Variants in PPP2R2B observed in about 807,000 individuals in gnomAD.
The protein encoded by PPP2R2B is serine/threonine-protein phosphatase 2A 55 kDa regulatory subunit B beta isoform.
A neutral mutation model predicts 46.0 loss-of-function variants in PPP2R2B; 5 were observed. That is an observed-to-expected ratio of 0.11 (90% CI 0.06 to 0.23). The LOEUF (loss-of-function observed/expected upper bound fraction) is 0.23. Ranked by LOEUF, PPP2R2B falls within the 10% of genes least tolerant of loss-of-function variation. The probability of loss-of-function intolerance (pLI) is 1.00; values close to 1 mark genes in which losing one functional copy is unlikely to be tolerated. For synonymous variants in PPP2R2B, 215 were observed against 206.7 expected, an observed-to-expected ratio of 1.04 and a Z score of -0.34; for missense variants, 367 against 575.0, an observed-to-expected ratio of 0.64 and a Z score of 3.70.
In PPP2R2B at chr5:146,878,626, C is replaced by G; in HGVS notation, c.-160G>C. 1.6e-6 allele frequency: 2 copies of G among 1,243,974 alleles called. No individual in the cohort carries two copies. The highest frequency in any genetic ancestry group is 3.0e-5 in the South Asian group (2 of 66,388). The allele number at this position is 1,243,974 out of a possible 1,614,324, so 77.1% of individuals were successfully genotyped here. On this transcript the variant is annotated 5_prime_UTR_variant, in exon 1 of 10. Transcript: ENST00000394411. The surrounding 1 kb of genome is among the most constrained non-coding windows in gnomAD (Gnocchi z 4.5). ...TGAGGGTGCTGGTCCCACGGGAGGG[C>G]GGCTCCGGCAGGCGGGGGTAGGGAA...
intron 1 of PPP2R2B, among the ~76,000 whole-genome samples, chr5:146,901,441 G>A (rs1358736075): frequency 6.6e-6 from 1 of 152,080 alleles, no homozygotes. Flanking sequence ...CAAGGCTTCA[G>A]TGAGCTGTGT....
chr5:146,652,645 C>T (rs1041079451), intron 5 of PPP2R2B, among the ~76,000 whole-genome samples: 6 of 151,928 alleles, frequency 3.9e-5, no homozygotes, highest in African/African-American at 7.3e-5. Flanking sequence ...GCAAAGGTCC[C>T]GTGATAGAGG....
chr5:146,776,872 A>AATGG (rs980488123), intron 2 of PPP2R2B, among the ~76,000 whole-genome samples: 2 of 152,124 alleles, frequency 1.3e-5, no homozygotes, highest in Non-Finnish European at 2.9e-5. Flanking sequence ...AAGATATACA[A>AATGG]ATGGCCAATA....
chr5:146,621,100 G>A (rs1216566182), intron 7 of PPP2R2B, among the ~76,000 whole-genome samples: 1 of 152,258 alleles, frequency 6.6e-6, no homozygotes, highest in African/African-American at 2.4e-5. Context: ...CATGGGCCAA[G>A]CACTGCCTGG....
intron 4 of PPP2R2B, among the ~76,000 whole-genome samples, chr5:146,693,283 T>C (rs4588641): frequency 0.22 from 33,894 of 151,758 alleles, 4,599 homozygotes; most frequent in African/African-American, 0.39. Flanking sequence ...GGCGAGATCA[T>C]GGTTCACTGC....
chr5:146,954,250 T>C (rs1265280105), intron 1 of PPP2R2B, among the ~76,000 whole-genome samples: 1 of 152,064 alleles, frequency 6.6e-6, no homozygotes, highest in Non-Finnish European at 1.5e-5. Flanking sequence ...TATATGAGGA[T>C]ACTTTAATAC....
In PPP2R2B at chr5:146,856,988, G is replaced by T. The variant is rs186982293; in HGVS notation, c.70+21014C>A. On this transcript the variant is annotated intron_variant, in intron 2 of 9. Transcript: ENST00000394411. ...AATACTTCAGGTGATTCTAATGCAC[G>T]TTAAAGTTTGAAAACAGCTGCTGTA... is the stretch of plus-strand genomic sequence containing the variant. Among the ~76,000 whole-genome samples the T allele has an allele frequency of 1.7e-3, 264 of 152,252 alleles. 1 individual carries two copies. Among genetic ancestry groups the T allele is most frequent in the African/African-American group, 5.7e-3 (236 of 41,556 alleles).
intron 1 of PPP2R2B, among the ~76,000 whole-genome samples, chr5:146,954,427 G>A (rs1485668112): frequency 6.6e-6 from 1 of 152,110 alleles, no homozygotes; most frequent in Admixed American, 6.6e-5. Context: ...ACCAAACATT[G>A]AATGTTCTCA....
chr5:146,817,153 C>A (rs912912805), intron 2 of PPP2R2B, among the ~76,000 whole-genome samples: 5 of 152,156 alleles, frequency 3.3e-5, no homozygotes, highest in Admixed American at 6.5e-5. Flanking sequence ...TTTGGCCCAT[C>A]ATCTAGAGTG....
rs369074395 is a variant in PPP2R2B at position 146,715,911 on chromosome 5, A to C, written c.71-14769T>G. On this transcript the variant is annotated intron_variant, in intron 2 of 9. Transcript: ENST00000394411. Reference sequence around the variant, plus strand: ...AGTGTATCTTCTGGGCTCAGTCTTCACTTTTCCATCATTGTCACACACTCC... The same window carrying C: ...AGTGTATCTTCTGGGCTCAGTCTTCCCTTTTCCATCATTGTCACACACTCC... 2.0e-5 allele frequency among the ~76,000 whole-genome samples: 3 copies of C among 152,200 alleles called. No individual in the cohort carries two copies. In the East Asian group the frequency reaches 5.8e-4, roughly 29 times the overall value.
intron 2 of PPP2R2B, among the ~76,000 whole-genome samples, chr5:146,705,446 G>T (rs1432099919): frequency 2.6e-5 from 4 of 152,182 alleles, no homozygotes; most frequent in African/African-American, 9.7e-5. Flanking sequence ...AATGAATCTG[G>T]GTGGGTGGTG....
chr5:146,886,022 C>T (rs116240566), intron 1 of PPP2R2B, among the ~76,000 whole-genome samples: 3,743 of 151,904 alleles, frequency 0.025, 162 homozygotes, highest in African/African-American at 0.085. Flanking sequence ...ATTTCTTTTG[C>T]GGGTGTTGAA....
upstream of PPP2R2B, among the ~76,000 whole-genome samples, chr5:147,060,550 C>T (rs1757226242): frequency 6.6e-6 from 1 of 152,108 alleles, no homozygotes; most frequent in African/African-American, 2.4e-5. Flanking sequence ...ATCACTTGAG[C>T]CTGGGAGGTT....
chr5:146,713,765 C>T (rs1208059032), intron 2 of PPP2R2B, among the ~76,000 whole-genome samples: 1 of 152,086 alleles, frequency 6.6e-6, no homozygotes, highest in Admixed American at 6.6e-5. Context: ...AGTTTTTGGT[C>T]TCAGCAACTG....
intron 7 of PPP2R2B, among the ~76,000 whole-genome samples, chr5:146,609,122 C>T (rs1038777467): frequency 4.6e-5 from 7 of 152,134 alleles, no homozygotes; most frequent in South Asian, 2.1e-4. Context: ...GTTCACCATA[C>T]GAAAATCAAT....
intron 1 of PPP2R2B, among the ~76,000 whole-genome samples, chr5:147,004,651 T>G (rs1754346728): frequency 6.6e-6 from 1 of 152,184 alleles, no homozygotes; most frequent in South Asian, 2.1e-4. Context: ...AGCTATTATC[T>G]ACATGAATAT....
In PPP2R2B at chr5:146,702,174, G is replaced by A. The variant is rs76334519; in HGVS notation, c.71-1032C>T. 4.0e-3 allele frequency among the ~76,000 whole-genome samples: 612 copies of A among 152,036 alleles called. 4 individuals are homozygous for A. The highest frequency in any genetic ancestry group is 0.014 in the African/African-American group (568 of 41,476). On this transcript the variant is annotated intron_variant, in intron 2 of 9. Coordinates refer to ENST00000394411, the MANE Select transcript of PPP2R2B (RefSeq NM_181675.4). ...GGGAAACAGTGAGGTGGAAAACTAA[G>A]GCAATTACCCCTGAGTAATTCTGAT...
intron 1 of PPP2R2B, among the ~76,000 whole-genome samples, chr5:147,032,110 A>T (rs943844067): frequency 1.3e-5 from 2 of 152,228 alleles, no homozygotes; most frequent in Admixed American, 1.3e-4. Flanking sequence ...TAAACAGACA[A>T]CCTATAGACT....
chr5:147,066,017 C>T (rs1456755391), intron 2 of PPP2R2B, among the ~76,000 whole-genome samples: 4 of 152,040 alleles, frequency 2.6e-5, no homozygotes, highest in East Asian at 1.9e-4. Context: ...GTTCCTGATT[C>T]GGGCTGGAAT....
Sources: allele counts gnomAD v4.1 joint callset (sites outside exome capture counted in the v4.1 genomes callset), GRCh38; gene constraint gnomAD v4.1.1; non-coding constraint Gnocchi (gnomAD v3.1); transcripts MANE v1.5; gene names NCBI Gene and HGNC (gene_info 2026-07-23, HGNC 2026-07-21).